Variants in ZFHX4 observed in about 807,000 individuals in gnomAD.
ZFHX4 encodes the protein zinc finger homeobox protein 4.
ZFHX4 carries 56 observed loss-of-function variants against 267.6 expected under a neutral mutation model. That is an observed-to-expected ratio of 0.21 (90% CI 0.17 to 0.26). The LOEUF (loss-of-function observed/expected upper bound fraction) is 0.26, where lower values mean the gene tolerates loss of function less well. ZFHX4 is among the 10% of genes least tolerant of loss of function. ZFHX4 has a pLI of 1.00. For missense variants in ZFHX4, 4,332 were observed against 4,420.0 expected, an observed-to-expected ratio of 0.98 and a Z score of 0.56; for synonymous variants, 1,778 against 1,665.6, an observed-to-expected ratio of 1.07 and a Z score of -1.64.
chr8:76,761,288 C>T (rs778014696), intron 3 of ZFHX4, among the ~76,000 whole-genome samples: 7 of 152,202 alleles, frequency 4.6e-5, no homozygotes, highest in Middle Eastern at 3.2e-3. Flanking sequence ...TTAATTACCA[C>T]TTTGAAAAAT....
At chr8:76,830,745 A>C (rs1276064291) in intron 4 of ZFHX4, among the ~76,000 whole-genome samples, 4 of 152,172 alleles carry the variant, frequency 2.6e-5, no homozygotes, top group African/African-American at 9.7e-5. Context: ...CATTTTGTAC[A>C]TTTCATTAAA....
intron 4 of ZFHX4, 85 bp downstream of exon 4, chr8:76,778,524 C>CACATATATATATGCCAGGCATGGT: frequency 8.9e-7 from 1 of 1,123,330 alleles, no homozygotes; most frequent in East Asian, 2.4e-5. Context: ...CACACACACA[C>CACATATATATATGCCAGGCATGGT]GCCTCAAACT....
rs1808241070 is a variant in ZFHX4 at position 76,705,684 on chromosome 8, C to T, written c.1596C>T (p.Asp532=). 3.1e-6 allele frequency: 5 copies of T among 1,613,916 alleles called. No homozygotes were observed. The highest frequency in any genetic ancestry group is 2.7e-5 in the African/African-American group (2 of 75,026). ...TSSSSATVSD[D]TEKKKQTAAV... ...CCTCCTCGGCGACTGTTTCTGATGA[C>T]ACAGAAAAGAAAAAACAGACTGCTG... is the stretch of plus-strand genomic sequence containing the variant. The change falls in exon 2 of 11, where the codon GAC becomes GAT. Residue 532 remains aspartate (D), a synonymous_variant. Transcript: ENST00000651372.
chr8:76,754,769 C>T (rs1371182684), intron 3 of ZFHX4, among the ~76,000 whole-genome samples: 1 of 152,120 alleles, frequency 6.6e-6, no homozygotes, highest in Non-Finnish European at 1.5e-5. Flanking sequence ...ATTTACCCTG[C>T]ATTGCTATAG....
At chr8:76,836,417 T>C (rs1812094275) in intron 5 of ZFHX4, among the ~76,000 whole-genome samples, 2 of 152,114 alleles carry the variant, frequency 1.3e-5, no homozygotes, top group African/African-American at 4.8e-5. Flanking sequence ...ACCTTACTTG[T>C]GTGACAGCTC....
At position 76,705,841 on chromosome 8, in the gene ZFHX4, T is replaced by G. The variant is rs1043912190; in HGVS notation, c.1753T>G (p.Ser585Ala). The G allele has an allele frequency of 1.5e-5, 25 of 1,613,732 alleles. No homozygotes were observed. Among genetic ancestry groups the G allele is most frequent in the Non-Finnish European group, 2.0e-5 (24 of 1,179,874 alleles). ...SEIARGDEDS[S>A]ATPHQHGFTP... is the part of the protein sequence containing the mutation. ...AATAGCCCGGGGAGACGAAGACAGT[T>G]CAGCCACTCCTCACCAGCATGGCTT... Residue 585 changes from serine (S) to alanine (A), a missense_variant, in exon 2 of 11, where the codon TCA becomes GCA. This residue lies in a region of ZFHX4 where 1,195 missense variants were observed against 1,173.6 expected (regional missense o/e 1.02). Transcript: ENST00000651372.
rs757872998 is a variant in ZFHX4 at position 76,855,442 on chromosome 8, G to A, written c.8521G>A (p.Glu2841Lys). The stretch of plus-strand genomic sequence containing the variant: ...TGTGAAACCGGCTTTGTCTCCCAAA[G>A]AGCCAAAAACTCTGGATACTCTGCC... ...GDVKPALSPKEPKTLDTLPKP... is the reference protein window; with the variant it reads ...GDVKPALSPKKPKTLDTLPKP... Residue 2841 changes from glutamate to lysine, a missense_variant, in exon 10 of 11, where the codon GAG becomes AAG. Around this residue, in one of 7 missense-constraint regions of ZFHX4, gnomAD observed 1,648 missense variants for 1,625.0 expected, o/e 1.01. Coordinates refer to ENST00000651372, the MANE Select transcript of ZFHX4 (RefSeq NM_024721.5). 1 of 1,613,238 alleles carries A rather than the reference G, an allele frequency of 6.2e-7. No homozygotes were observed. The highest frequency in any genetic ancestry group is 1.7e-5 in the Admixed American group (1 of 59,910).
chr8:76,731,892 T>TA (rs1563489788), intron 3 of ZFHX4, among the ~76,000 whole-genome samples: 8 of 149,762 alleles, frequency 5.3e-5, no homozygotes, highest in Non-Finnish European at 1.0e-4. Flanking sequence ...TTATTATTAT[T>TA]TTTGAGACAG....
At chr8:76,745,166 G>A (rs187463330) in intron 3 of ZFHX4, among the ~76,000 whole-genome samples, 44 of 152,166 alleles carry the variant, frequency 2.9e-4, no homozygotes, top group African/African-American at 9.4e-4. Context: ...AGCACCATGG[G>A]TATGATGCAT....
At chr8:76,745,853 T>C (rs887084541) in intron 3 of ZFHX4, among the ~76,000 whole-genome samples, 1 of 152,186 alleles carries the variant, frequency 6.6e-6, no homozygotes, top group Non-Finnish European at 1.5e-5. Flanking sequence ...TTATAATATG[T>C]AGGGCAAATT....
chr8:76,803,070 C>A (rs1811154002), intron 4 of ZFHX4, among the ~76,000 whole-genome samples: 1 of 152,040 alleles, frequency 6.6e-6, no homozygotes, highest in African/African-American at 2.4e-5. Flanking sequence ...GCCCATTTTT[C>A]ACTAATTCCT....
chr8:76,819,099 A>C (rs1414548833), intron 4 of ZFHX4, among the ~76,000 whole-genome samples: 1 of 151,188 alleles, frequency 6.6e-6, no homozygotes, highest in African/African-American at 2.4e-5. Flanking sequence ...AAAATGCTTT[A>C]AACTAGTGTG....
At chr8:76,703,877 A>G (rs1342443824) in intron 1 of ZFHX4, among the ~76,000 whole-genome samples, 166 bp from the exon 2 acceptor site, 18 of 152,196 alleles carry the variant, frequency 1.2e-4, no homozygotes. Flanking sequence ...ATTTTGCTAC[A>G]TTTATACAAA....
At chr8:76,790,091 T>G (rs911507575) in intron 4 of ZFHX4, among the ~76,000 whole-genome samples, 21 of 152,140 alleles carry the variant, frequency 1.4e-4, no homozygotes, top group Middle Eastern at 3.2e-3. Context: ...GCCTGGACAA[T>G]TTGTTCTGTA....
intron 10 of ZFHX4, among the ~76,000 whole-genome samples, chr8:76,860,241 C>G (rs1383129531): frequency 6.6e-6 from 1 of 152,072 alleles, no homozygotes; most frequent in Non-Finnish European, 1.5e-5. Flanking sequence ...ATCTACATCT[C>G]TTTTCCCAAA....
chr8:76,846,374 T>C (rs1221426317), intron 6 of ZFHX4, among the ~76,000 whole-genome samples: 1 of 152,098 alleles, frequency 6.6e-6, no homozygotes, highest in Non-Finnish European at 1.5e-5. Flanking sequence ...TTATAACTTC[T>C]TGGTAATTTC....
intron 3 of ZFHX4, among the ~76,000 whole-genome samples, chr8:76,731,332 G>A (rs1234185550): frequency 1.3e-5 from 2 of 152,172 alleles, no homozygotes; most frequent in African/African-American, 2.4e-5. Flanking sequence ...AACAGGAAGT[G>A]TTTGGCTCGA....
rs531553888 is a variant in ZFHX4 at position 76,852,123 on chromosome 8, G to C, written c.5202G>C (p.Gln1734His). ...CAGAAGCACTGCTGCAGTTTCAGCA[G>C]CCTCAGTTTCTCTTTCCATTTTATA... ...MTPEALLQFQQPQFLFPFYIP... is the reference protein window; with the variant it reads ...MTPEALLQFQHPQFLFPFYIP... The change falls in exon 10 of 11, where the codon CAG becomes CAC. Residue 1734 changes from glutamine to histidine, a missense_variant. By Grantham distance (24) the Gln-to-His change is conservative (BLOSUM62 0). Transcript: ENST00000651372. 4 of 1,613,934 alleles carry C rather than the reference G, an allele frequency of 2.5e-6. No individual in the cohort carries two copies. The South Asian group carries it at 4.4e-5, about 18-fold the overall frequency.
In ZFHX4 at chr8:76,706,332, C is replaced by G; in HGVS notation, c.2244C>G (p.Thr748=). Residue 748 remains threonine (T), a synonymous_variant, in exon 2 of 11, where the codon ACC becomes ACG. Coordinates refer to ENST00000651372, the MANE Select transcript of ZFHX4 (RefSeq NM_024721.5). The part of the protein sequence containing the change: ...VFGHSAPAPN[T]SLSGCGTPSP... Reference sequence around the variant, plus strand: ...GCCACTCTGCCCCAGCCCCCAACACCAGCCTCAGTGGCTGCGGAACACCCT... The same window carrying G: ...GCCACTCTGCCCCAGCCCCCAACACGAGCCTCAGTGGCTGCGGAACACCCT... The G allele has an allele frequency of 6.2e-7, 1 of 1,614,116 alleles. No homozygotes were observed. Among genetic ancestry groups the G allele is most frequent in the Non-Finnish European group, 8.5e-7 (1 of 1,179,992 alleles).
Sources: allele counts gnomAD v4.1 joint callset (sites outside exome capture counted in the v4.1 genomes callset), GRCh38; gene constraint gnomAD v4.1.1; regional missense constraint gnomAD v4.1.1; transcripts MANE v1.5; gene names NCBI Gene and HGNC (gene_info 2026-07-23, HGNC 2026-07-21).